SEC23IP: variants seen among roughly 807,000 people sequenced by gnomAD.
SEC23IP encodes SEC23-interacting protein.
In SEC23IP, 70 loss-of-function variants were observed where a neutral mutation model predicts 113.4. That is an observed-to-expected ratio of 0.62 (90% confidence interval 0.51 to 0.75). SEC23IP has a LOEUF of 0.75. SEC23IP is among the 30% of genes least tolerant of loss of function. The pLI, the probability that SEC23IP is intolerant of heterozygous loss-of-function variation, is 0.00. For missense variants in SEC23IP, 1,160 were observed against 1,204.9 expected (o/e 0.96, Z 0.55); for synonymous variants, 398 against 421.0 (o/e 0.95, Z 0.67).
At position 119,918,642 on chromosome 10, in the gene SEC23IP, A is replaced by G. The variant is rs186423257; in HGVS notation, c.1872+131A>G. 4.9e-5 allele frequency: 31 copies of G among 634,154 alleles called. No individual in the cohort carries two copies. The Admixed American group carries it at 6.5e-4, about 13-fold the overall frequency. 39.3% of individuals were successfully genotyped at this position (634,154 alleles called of 1,614,324 possible). Reference sequence around the variant, plus strand: ...TGTTTGTTTGTTTTAACTGAGCCTCATTGGTTGCTTGGGCTAGTCTTGAGT... The same window carrying G: ...TGTTTGTTTGTTTTAACTGAGCCTCGTTGGTTGCTTGGGCTAGTCTTGAGT... On this transcript the variant is annotated intron_variant, in intron 10 of 18. Transcript: ENST00000369075.
intron 6 of SEC23IP, among the ~76,000 whole-genome samples, chr10:119,914,301 T>A (rs1448305452): frequency 6.6e-6 from 1 of 152,256 alleles, no homozygotes; most frequent in Non-Finnish European, 1.5e-5. Context: ...TTTTTACAAT[T>A]ACATACACTT....
At chr10:119,935,459 T>TA (rs879898558) in intron 18 of SEC23IP, among the ~76,000 whole-genome samples, 37 of 145,472 alleles carry the variant, frequency 2.5e-4, no homozygotes, top group African/African-American at 3.3e-4. Context: ...AGACTCTATC[T>TA]AAAAAAAAAA....
At position 119,892,825 on chromosome 10, in the gene SEC23IP, A is replaced by G. The variant is rs920602947; in HGVS notation, c.43A>G (p.Thr15Ala). The change falls in exon 1 of 19, where the codon ACT becomes GCT. Residue 15 changes from threonine to alanine, a missense_variant. By Grantham distance (58) the Thr-to-Ala change is moderately conservative. Transcript: ENST00000369075. ...TAACGGTGGCAGCGGCGGCGCCTCCACTTCCTCATCGGGCACTAACTTACT... is the reference window on the plus strand; with the variant it reads ...TAACGGTGGCAGCGGCGGCGCCTCCGCTTCCTCATCGGGCACTAACTTACT... ...KPNGGSGGASTSSSGTNLLFS... is the reference protein window; with the variant it reads ...KPNGGSGGASASSSGTNLLFS... 6.2e-7 allele frequency: 1 copy of G among 1,613,276 alleles called. No individual in the cohort carries two copies. The highest frequency in any genetic ancestry group is 1.7e-5 in the Admixed American group (1 of 59,966).
intron 4 of SEC23IP, among the ~76,000 whole-genome samples, chr10:119,907,388 G>C (rs867268854): frequency 6.6e-6 from 1 of 151,940 alleles, no homozygotes; most frequent in Non-Finnish European, 1.5e-5. Context: ...CTATTTTCAC[G>C]TGATTGTCAA....
In SEC23IP at chr10:119,909,035, T is replaced by C. The variant is rs960620227; in HGVS notation, c.1102-6T>C. ...GTTGGAATATATGTTGTTTCCCCCATTATAGGCTGAATATAAAAAAGCTGT... is the reference window on the plus strand; with the variant it reads ...GTTGGAATATATGTTGTTTCCCCCACTATAGGCTGAATATAAAAAAGCTGT... On this transcript the variant is annotated splice_polypyrimidine_tract_variant and splice_region_variant and intron_variant, in intron 4 of 18. Coordinates refer to ENST00000369075, the MANE Select transcript of SEC23IP (RefSeq NM_007190.4). 1.9e-6 allele frequency: 3 copies of C among 1,589,984 alleles called. No individual in the cohort carries two copies. The highest frequency in any genetic ancestry group is 1.7e-6 in the Non-Finnish European group (2 of 1,164,478).
chr10:119,917,268 C>T (rs35676496), intron 8 of SEC23IP, among the ~76,000 whole-genome samples: 8,342 of 152,098 alleles, frequency 0.055, 429 homozygotes, highest in South Asian at 0.27. Context: ...GGCACAATCT[C>T]GGCTCACTGC....
At chr10:119,893,043 C>T (rs1385951332) in intron 1 of SEC23IP, 98 bp downstream of exon 1, 3 of 1,323,298 alleles carry the variant, frequency 2.3e-6, no homozygotes, top group Non-Finnish European at 2.1e-6. Flanking sequence ...CCTCGAGCTA[C>T]CCTCTGGATA....
chr10:119,905,442 G>A (rs959552288), intron 4 of SEC23IP, among the ~76,000 whole-genome samples: 2 of 152,130 alleles, frequency 1.3e-5, no homozygotes, highest in South Asian at 2.1e-4. Context: ...ACTTTGAAGC[G>A]GGATAGATAT....
rs200195915 is a variant in SEC23IP at position 119,897,971 on chromosome 10, C to T, written c.164-456C>T. 7.3e-5 allele frequency among the ~76,000 whole-genome samples: 11 copies of T among 149,932 alleles called. No homozygotes were observed. The East Asian group carries it at 2.1e-3, about 29-fold the overall frequency. On this transcript the variant is annotated intron_variant, in intron 1 of 18. Coordinates refer to ENST00000369075, the MANE Select transcript of SEC23IP (RefSeq NM_007190.4). ...AGTGAGCTGAGATTGCGCCACTGCA[C>T]TCCAGCCTGGGCGACAGAGCGAGAC...
At chr10:119,938,056 C>T (rs759526650) in intron 18 of SEC23IP, among the ~76,000 whole-genome samples, 8 of 150,906 alleles carry the variant, frequency 5.3e-5, no homozygotes, top group Non-Finnish European at 7.4e-5. Context: ...GTAATCCCAG[C>T]GCTGTGGGAG....
rs533170814 is a variant in SEC23IP, at chr10:119,919,304, A to G, written c.1873-140A>G. 1.4e-4 allele frequency: 108 copies of G among 775,292 alleles called. 1 individual carries two copies. The East Asian group carries it at 1.8e-3, about 13-fold the overall frequency. The allele number at this position is 775,292 out of a possible 1,614,324, so 48.0% of individuals were successfully genotyped here. Reference sequence around the variant, plus strand: ...CCACTGGGCCTGGCCAGAATATTCAAACTTTGAATGGCAAAGTACTGTGCC... The same window carrying G: ...CCACTGGGCCTGGCCAGAATATTCAGACTTTGAATGGCAAAGTACTGTGCC... On this transcript the variant is annotated intron_variant, in intron 10 of 18. Coordinates refer to ENST00000369075, the MANE Select transcript of SEC23IP (RefSeq NM_007190.4).
At chr10:119,906,930 T>C (rs1854689410) in intron 4 of SEC23IP, among the ~76,000 whole-genome samples, 1 of 152,082 alleles carries the variant, frequency 6.6e-6, no homozygotes, top group Admixed American at 6.6e-5. Flanking sequence ...TTGTTGTTTG[T>C]GGCCTTGCTT....
chr10:119,902,548 G>A (rs1209218875), intron 2 of SEC23IP, among the ~76,000 whole-genome samples: 1 of 120,498 alleles, frequency 8.3e-6, no homozygotes, highest in African/African-American at 3.4e-5. Flanking sequence ...TTTGATACAG[G>A]CATGCAATGT....
rs1335539832 is a variant in SEC23IP, at chr10:119,933,727, A to C, written c.2963A>C (p.Tyr988Ser). 6 of 1,598,210 alleles carry C rather than the reference A, an allele frequency of 3.8e-6. No homozygotes were observed. In the African/African-American group the frequency reaches 8.0e-5, roughly 21 times the overall value. Reference protein sequence around the residue: ...DTALLLLKEIYRTMNISPEQP... With the variant: ...DTALLLLKEISRTMNISPEQP... ...GCTCTGTTACTACTTAAAGAAATTT[A>C]TCGAACAATGAACATTAGTCCAGAA... Residue 988 changes from tyrosine to serine, a missense_variant, in exon 18 of 19, where the codon TAT becomes TCT. Coordinates refer to ENST00000369075, the MANE Select transcript of SEC23IP (RefSeq NM_007190.4).
intron 11 of SEC23IP, 138 bp from the exon 12 acceptor site, chr10:119,920,751 A>G (rs1855228620): frequency 3.7e-6 from 2 of 543,902 alleles, no homozygotes; most frequent in Admixed American, 7.1e-5. Flanking sequence ...TGATTTAAAT[A>G]CAAAATAACT....
chr10:119,939,889 G>T (rs954824496), intron 18 of SEC23IP, among the ~76,000 whole-genome samples: 8 of 152,024 alleles, frequency 5.3e-5, no homozygotes, highest in African/African-American at 1.9e-4. Flanking sequence ...TAGAGACAGG[G>T]TTCCCCCAAG....
chr10:119,920,516 A>G (rs924418561), intron 11 of SEC23IP, among the ~76,000 whole-genome samples: 4 of 152,234 alleles, frequency 2.6e-5, no homozygotes, highest in Non-Finnish European at 5.9e-5. Context: ...CACAGAGAAA[A>G]ACATGTAAGT....
chr10:119,909,981 T>A (rs1230962967), intron 5 of SEC23IP, among the ~76,000 whole-genome samples: 1 of 152,226 alleles, frequency 6.6e-6, no homozygotes, highest in Non-Finnish European at 1.5e-5. Flanking sequence ...GCTTGATAAT[T>A]TTTTTCACTT....
chr10:119,904,133 C>T lies in SEC23IP; in HGVS notation c.957C>T (p.Tyr319=), dbSNP rs1034305253. The T allele has an allele frequency of 1.4e-5, 22 of 1,614,068 alleles. No individual in the cohort carries two copies. Among genetic ancestry groups the T allele is most frequent in the Admixed American group, 5.0e-5 (3 of 59,992 alleles). The change falls in exon 4 of 19, where the codon TAC becomes TAT. Residue 319 remains tyrosine, a synonymous_variant. Coordinates refer to ENST00000369075, the MANE Select transcript of SEC23IP (RefSeq NM_007190.4). ...SVVLGTDGGR[Y]DVYLYDRIRK... ...TTCTTGGCACGGATGGAGGGCGCTA[C>T]GATGTTTACCTCTATGACCGAATAA...
Sources: gnomAD v4.1 joint callset for allele counts (sites outside exome capture counted in the v4.1 genomes callset) on GRCh38, gnomAD v4.1.1 for gene constraint, MANE v1.5 for transcripts, NCBI Gene and HGNC (gene_info 2026-07-23, HGNC 2026-07-21) for gene names.